Variants in ARHGAP44 observed in about 807,000 individuals in gnomAD.
ARHGAP44 encodes Rho GTPase activating protein 44.
ARHGAP44 carries 43 observed loss-of-function variants against 106.8 expected under a neutral mutation model. The ratio of observed to expected loss-of-function variants is 0.40; its 90% CI spans 0.32 to 0.52. The LOEUF is 0.52. Ranked by LOEUF, ARHGAP44 falls within the 20% of genes least tolerant of loss-of-function variation. The probability of loss-of-function intolerance (pLI) is 0.48; values close to 1 mark genes in which losing one functional copy is unlikely to be tolerated. For synonymous variants in ARHGAP44, 439 were observed against 410.3 expected (o/e 1.07, Z -0.85); for missense variants, 866 against 1,050.5 (o/e 0.82, Z 2.43).
chr17:12,839,296 G>T (rs2035327271), intron 1 of ARHGAP44, among the ~76,000 whole-genome samples: 1 of 152,166 alleles, frequency 6.6e-6, no homozygotes, highest in Non-Finnish European at 1.5e-5. Context: ...TTTGAGGTAT[G>T]TGTCCCTTAG....
chr17:12,813,001 G>A (rs1377842703), intron 1 of ARHGAP44, among the ~76,000 whole-genome samples: 4 of 152,204 alleles, frequency 2.6e-5, no homozygotes, highest in Admixed American at 2.6e-4. Context: ...ACACATGCAA[G>A]GGCCTTGGAG....
At chr17:12,845,511 A>C (rs1273551876) in intron 1 of ARHGAP44, among the ~76,000 whole-genome samples, 3 of 127,720 alleles carry the variant, frequency 2.3e-5, no homozygotes, top group Non-Finnish European at 5.2e-5. Flanking sequence ...CGTCTCAAAA[A>C]AAAAAAAAAA....
At chr17:12,833,222 C>G (rs1231412583) in intron 1 of ARHGAP44, among the ~76,000 whole-genome samples, 1 of 152,166 alleles carries the variant, frequency 6.6e-6, no homozygotes, top group East Asian at 1.9e-4. Flanking sequence ...GAGCATGACT[C>G]TGAGTATCCT....
intron 7 of ARHGAP44, among the ~76,000 whole-genome samples, chr17:12,934,487 G>A (rs2038489439): frequency 6.6e-6 from 1 of 152,184 alleles, no homozygotes; most frequent in Non-Finnish European, 1.5e-5. Flanking sequence ...TAATTTGGAA[G>A]GCTGTGGAAT....
chr17:12,795,932 T>C (rs2033904389), intron 1 of ARHGAP44, among the ~76,000 whole-genome samples: 1 of 152,188 alleles, frequency 6.6e-6, no homozygotes, highest in East Asian at 1.9e-4. Context: ...CTTTAGAGCT[T>C]ATTTTTAGAA....
Position 12,990,267 on chromosome 17 carries a change from C to A in ARHGAP44, c.*96C>A. 6.9e-7 allele frequency: 1 copy of A among 1,454,610 alleles called. No individual in the cohort carries two copies. Among genetic ancestry groups the A allele is most frequent in the Non-Finnish European group, 9.2e-7 (1 of 1,085,552 alleles). The allele number at this position is 1,454,610 out of a possible 1,614,324, so 90.1% of individuals were successfully genotyped here. ...CCATGAGCTTGCCAAGTGTTCTCTGCTGGCTCTTTCCTGCCACTGCCAACA... is the reference window on the plus strand; with the variant it reads ...CCATGAGCTTGCCAAGTGTTCTCTGATGGCTCTTTCCTGCCACTGCCAACA... On this transcript the variant is annotated 3_prime_UTR_variant, in exon 21 of 21. Transcript: ENST00000379672.
intron 1 of ARHGAP44, among the ~76,000 whole-genome samples, chr17:12,858,330 G>A (rs1323154907): frequency 6.6e-6 from 1 of 152,172 alleles, no homozygotes; most frequent in Non-Finnish European, 1.5e-5. Flanking sequence ...CCTACTCACT[G>A]TCACCTCAGT....
At chr17:12,862,967 G>A (rs2036130570) in intron 1 of ARHGAP44, among the ~76,000 whole-genome samples, 1 of 151,624 alleles carries the variant, frequency 6.6e-6, no homozygotes, top group Non-Finnish European at 1.5e-5. Context: ...GGGCCACAGA[G>A]TGAGACCCTG....
rs2040105613 is a variant in ARHGAP44, at chr17:12,990,544, C to T, written c.*373C>T. 5.2e-6 allele frequency: 1 copy of T among 194,008 alleles called. No homozygotes were observed. Among genetic ancestry groups the T allele is most frequent in the South Asian group, 1.1e-4 (1 of 9,444 alleles). 12.0% of individuals were successfully genotyped at this position (194,008 alleles called of 1,614,324 possible). A position where few individuals can be genotyped will look rare whatever the true frequency, so the allele number is the denominator to read the frequency against. On this transcript the variant is annotated 3_prime_UTR_variant, in exon 21 of 21. Transcript: ENST00000379672. Reference sequence around the variant, plus strand: ...AGAGGCTCACTTTGCCTGGTTAGACCCAAGGGCTGCTACCTTTTCCTTGGA... The same window carrying T: ...AGAGGCTCACTTTGCCTGGTTAGACTCAAGGGCTGCTACCTTTTCCTTGGA...
intron 3 of ARHGAP44, among the ~76,000 whole-genome samples, chr17:12,902,177 A>G (rs1268326815): frequency 1.3e-5 from 2 of 152,122 alleles, no homozygotes; most frequent in Non-Finnish European, 2.9e-5. Context: ...TTCTACCTGC[A>G]TCTCTGAGCT....
intron 1 of ARHGAP44, among the ~76,000 whole-genome samples, chr17:12,835,200 T>C (rs1454818559): frequency 1.3e-5 from 2 of 152,292 alleles, no homozygotes; most frequent in East Asian, 3.9e-4. Flanking sequence ...GGTTTTCAAC[T>C]AAGGTGTAAA....
intron 4 of ARHGAP44, 125 bp from the exon 5 acceptor site, chr17:12,915,775 A>T: frequency 1.3e-6 from 1 of 750,394 alleles, no homozygotes; most frequent in Non-Finnish European, 2.2e-6. Context: ...AGCCATGGAG[A>T]TCAGCCAGCT....
intron 16 of ARHGAP44, among the ~76,000 whole-genome samples, chr17:12,972,444 T>C (rs1290984446): frequency 6.6e-6 from 1 of 151,748 alleles, no homozygotes; most frequent in Non-Finnish European, 1.5e-5. Context: ...GGTCAGGAGT[T>C]TGAGACCAGC....
intron 16 of ARHGAP44, among the ~76,000 whole-genome samples, chr17:12,971,686 T>C (rs750089196): frequency 9.3e-5 from 12 of 129,014 alleles, no homozygotes; most frequent in Non-Finnish European, 2.2e-4. Flanking sequence ...ATAGGAAGTG[T>C]TTGTTTATTG....
intron 10 of ARHGAP44, among the ~76,000 whole-genome samples, chr17:12,944,775 C>T (rs186885674): frequency 8.5e-5 from 13 of 152,064 alleles, no homozygotes; most frequent in Non-Finnish European, 1.8e-4. Flanking sequence ...AGGCGTGAGC[C>T]ACTGCGCCCG....
intron 1 of ARHGAP44, among the ~76,000 whole-genome samples, chr17:12,857,765 GTTATTTATTTATTTA>G (rs1198948527): frequency 2.6e-4 from 38 of 145,628 alleles, no homozygotes; most frequent in African/African-American, 9.3e-4. Flanking sequence ...GGTTGCCCAT[GTTATTTATTTATTTA>G]TTTATTTATT....
intron 1 of ARHGAP44, among the ~76,000 whole-genome samples, chr17:12,815,299 C>T (rs568878571): frequency 2.0e-5 from 3 of 152,266 alleles, no homozygotes; most frequent in Non-Finnish European, 4.4e-5. Flanking sequence ...TATTTCCTTG[C>T]AAACATTCCG....
intron 7 of ARHGAP44, among the ~76,000 whole-genome samples, chr17:12,932,820 A>G (rs1372220904): frequency 6.6e-6 from 1 of 150,672 alleles, no homozygotes; most frequent in Non-Finnish European, 1.5e-5. Context: ...TTATTTCTGG[A>G]CTCTATGTTT....
At chr17:12,818,788 G>A (rs1450238168) in intron 1 of ARHGAP44, among the ~76,000 whole-genome samples, 2 of 152,026 alleles carry the variant, frequency 1.3e-5, no homozygotes, top group African/African-American at 4.8e-5. Flanking sequence ...AGACTTTTAA[G>A]TGCAGACATA....
Sources: gnomAD v4.1 joint callset for allele counts (sites outside exome capture counted in the v4.1 genomes callset) on GRCh38, gnomAD v4.1.1 for gene constraint, MANE v1.5 for transcripts, NCBI Gene and HGNC (gene_info 2026-07-23, HGNC 2026-07-21) for gene names.